ERCC6L2: variants seen among roughly 807,000 people sequenced by gnomAD.
ERCC6L2 encodes DNA excision repair protein ERCC-6-like 2.
In ERCC6L2, 77 loss-of-function variants were observed where a neutral mutation model predicts 132.0. The observed-to-expected ratio is 0.58, with a 90% CI of 0.49 to 0.71. The LOEUF is 0.71. Among genes scored for constraint, ERCC6L2 ranks in the 30% least tolerant of loss-of-function variants. The pLI is 0.00. For missense variants in ERCC6L2, 1,542 were observed against 1,837.6 expected, an observed-to-expected ratio of 0.84 and a Z score of 2.94; for synonymous variants, 583 against 632.4, an observed-to-expected ratio of 0.92 and a Z score of 1.17.
intron 6 of ERCC6L2, among the ~76,000 whole-genome samples, chr9:95,920,005 G>C (rs190415459): frequency 6.6e-6 from 1 of 152,314 alleles, no homozygotes; most frequent in East Asian, 1.9e-4. Context: ...GAGGGATTCT[G>C]ATTATTTGAG....
At position 95,972,134 on chromosome 9, in the gene ERCC6L2, T is replaced by G; in HGVS notation, c.2383T>G (p.Phe795Val). 4 of 1,304,234 alleles carry G rather than the reference T, an allele frequency of 3.1e-6. No individual in the cohort carries two copies. Among genetic ancestry groups the G allele is most frequent in the Non-Finnish European group, 4.0e-6 (4 of 988,940 alleles). 80.8% of individuals were successfully genotyped at this position (1,304,234 alleles called of 1,614,324 possible). A position where few individuals can be genotyped will look rare whatever the true frequency, so the allele number is the denominator to read the frequency against. ...ACAGCTTACCTTACTCCAGTGTGGT[T>G]TCTCGAAATTGCTTGAAACAAAATG... ...PGQLTLLQCG[F>V]SKLLETKCKA... The change falls in exon 16 of 19, where the codon TTC becomes GTC. Residue 795 changes from phenylalanine to valine, a missense_variant. Around this residue, in one of 4 missense-constraint regions of ERCC6L2, gnomAD observed 945 missense variants for 1,105.2 expected, o/e 0.86. Transcript: ENST00000653738.
chr9:96,013,152 T>G lies in ERCC6L2; in HGVS notation c.4602T>G (p.Phe1534Leu), dbSNP rs548350497. 6.4e-5 allele frequency: 88 copies of G among 1,367,084 alleles called. 2 individuals are homozygous for G. The South Asian group carries it at 9.5e-4, about 15-fold the overall frequency. The allele number at this position is 1,367,084 out of a possible 1,614,324, so 84.7% of individuals were successfully genotyped here. A position where few individuals can be genotyped will look rare whatever the true frequency, so the allele number is the denominator to read the frequency against. The part of the protein sequence containing the change: ...KSNEKFLWKK[F>L]SPSDTDENAT... The stretch of plus-strand genomic sequence containing the variant: ...ATGAGAAATTTTTATGGAAGAAATT[T>G]AGCCCAAGTGATACAGATGAAAACG... The change falls in exon 19 of 19, where the codon TTT (phenylalanine) becomes TTG (leucine). Residue 1534 changes from phenylalanine to leucine, a missense_variant. Coordinates refer to ENST00000653738, the MANE Select transcript of ERCC6L2 (RefSeq NM_020207.7).
chr9:95,916,840 G>A (rs960261938), intron 6 of ERCC6L2, among the ~76,000 whole-genome samples: 5 of 151,848 alleles, frequency 3.3e-5, no homozygotes, highest in Non-Finnish European at 5.9e-5. Flanking sequence ...GCACCACCAC[G>A]CCTGGCTAAT....
In ERCC6L2 at chr9:96,013,565, A is replaced by G. The variant is rs912697973; in HGVS notation, c.*362A>G. 1.2e-4 allele frequency: 20 copies of G among 164,446 alleles called. No homozygotes were observed. Among genetic ancestry groups the G allele is most frequent in the Admixed American group, 5.2e-4 (9 of 17,264 alleles). The allele number at this position is 164,446 out of a possible 1,614,324, so 10.2% of individuals were successfully genotyped here. On this transcript the variant is annotated 3_prime_UTR_variant, in exon 19 of 19. Coordinates refer to ENST00000653738, the MANE Select transcript of ERCC6L2 (RefSeq NM_020207.7). The stretch of plus-strand genomic sequence containing the variant: ...GATGAAGAGTCTGTACCGAATCAGC[A>G]TGAGTGTCCTTCCAGTTTAAAAAAG...
intron 2 of ERCC6L2, among the ~76,000 whole-genome samples, chr9:95,894,580 C>G (rs1280894639): frequency 7.2e-6 from 1 of 138,742 alleles, no homozygotes; most frequent in Non-Finnish European, 1.5e-5. Context: ...TGGCATATGT[C>G]AGCCTTTTTT....
At chr9:96,034,529 C>A (rs536248981) in intron 19 of ERCC6L2, among the ~76,000 whole-genome samples, 1 of 152,338 alleles carries the variant, frequency 6.6e-6, no homozygotes, top group South Asian at 2.1e-4. Context: ...TCAGGGAAAG[C>A]TTCCTGGGAG....
chr9:95,913,161 A>G (rs942681631), intron 4 of ERCC6L2, among the ~76,000 whole-genome samples: 1 of 152,232 alleles, frequency 6.6e-6, no homozygotes, highest in Non-Finnish European at 1.5e-5. Context: ...TTTACTTAGT[A>G]GTATTAGCAC....
rs746429736 is a variant in ERCC6L2, at chr9:95,875,987, G to A, written c.-52G>A. On this transcript the variant is annotated 5_prime_UTR_variant, in exon 1 of 19. Coordinates refer to ENST00000653738, the MANE Select transcript of ERCC6L2 (RefSeq NM_020207.7). ...CCGGCCAGCCACCTTGCTGTCCTCC[G>A]CCGCCTTCCGGGTGTTACATGCAGC... 4.5e-6 allele frequency: 7 copies of A among 1,552,876 alleles called. No homozygotes were observed. In the Admixed American group the frequency reaches 5.7e-5, roughly 13 times the overall value.
chr9:96,036,391 T>C (rs990345105), intron 19 of ERCC6L2, among the ~76,000 whole-genome samples: 3 of 152,250 alleles, frequency 2.0e-5, no homozygotes. Flanking sequence ...TTTTTAAGGC[T>C]GCATAATATT....
chr9:95,879,191 G>A (rs1384038188), intron 1 of ERCC6L2, among the ~76,000 whole-genome samples: 2 of 152,070 alleles, frequency 1.3e-5, no homozygotes, highest in South Asian at 4.2e-4. Flanking sequence ...TTTAATGATT[G>A]CCATTCTAAC....
chr9:95,985,576 G>A (rs541211038), intron 17 of ERCC6L2, among the ~76,000 whole-genome samples: 1 of 152,326 alleles, frequency 6.6e-6, no homozygotes, highest in South Asian at 2.1e-4. Flanking sequence ...CATGAAGAAT[G>A]ATGTCAGAAA....
intron 6 of ERCC6L2, among the ~76,000 whole-genome samples, chr9:95,920,867 C>G (rs1274733588): frequency 6.6e-6 from 1 of 152,200 alleles, no homozygotes; most frequent in African/African-American, 2.4e-5. Flanking sequence ...ACCTCTGACT[C>G]CTTGGTTCAA....
chr9:95,910,877 G>T (rs1564214890), intron 4 of ERCC6L2, among the ~76,000 whole-genome samples: 2 of 152,186 alleles, frequency 1.3e-5, no homozygotes, highest in East Asian at 3.9e-4. Flanking sequence ...CAGACATGAG[G>T]ACTGAACCTT....
At chr9:95,950,578 A>G (rs905012067) in intron 12 of ERCC6L2, among the ~76,000 whole-genome samples, 1 of 152,200 alleles carries the variant, frequency 6.6e-6, no homozygotes, top group Non-Finnish European at 1.5e-5. Flanking sequence ...GTGTCCAAAT[A>G]TATGCTATCC....
At chr9:95,934,352 CATT>C (rs1421347977) in intron 11 of ERCC6L2, among the ~76,000 whole-genome samples, 1 of 151,868 alleles carries the variant, frequency 6.6e-6, no homozygotes, top group Non-Finnish European at 1.5e-5. Flanking sequence ...AGTATACAAA[CATT>C]ATATACATTC....
intron 13 of ERCC6L2, among the ~76,000 whole-genome samples, chr9:95,956,601 C>T (rs1831614605): frequency 6.6e-6 from 1 of 152,146 alleles, no homozygotes; most frequent in Non-Finnish European, 1.5e-5. Context: ...CCTCAGGAAA[C>T]TTACCATCAT....
At chr9:95,907,996 A>G (rs1002452317) in intron 4 of ERCC6L2, among the ~76,000 whole-genome samples, 1 of 152,126 alleles carries the variant, frequency 6.6e-6, no homozygotes, top group African/African-American at 2.4e-5. Context: ...CCTGAGAGCA[A>G]TAGAGTGCCC....
chr9:96,000,428 A>G (rs1420614849), intron 17 of ERCC6L2, among the ~76,000 whole-genome samples: 2 of 152,232 alleles, frequency 1.3e-5, no homozygotes, highest in African/African-American at 4.8e-5. Context: ...TACAAAAAAG[A>G]AAAAAGATAA....
intron 2 of ERCC6L2, among the ~76,000 whole-genome samples, chr9:95,886,625 A>G (rs933345997): frequency 6.6e-6 from 1 of 152,042 alleles, no homozygotes; most frequent in Non-Finnish European, 1.5e-5. Flanking sequence ...ATAAGTACTC[A>G]CTCTGGGCCA....
Sources: allele counts gnomAD v4.1 joint callset (sites outside exome capture counted in the v4.1 genomes callset), GRCh38; gene constraint gnomAD v4.1.1; regional missense constraint gnomAD v4.1.1; transcripts MANE v1.5; gene names NCBI Gene and HGNC (gene_info 2026-07-23, HGNC 2026-07-21).